Variants in IFT122 observed in about 807,000 individuals in gnomAD.
IFT122 encodes the protein intraflagellar transport 122, also known as intraflagellar transport protein 122 homolog.
A neutral mutation model predicts 161.6 loss-of-function variants in IFT122; 118 were observed. The ratio of observed to expected loss-of-function variants is 0.73; its 90% CI spans 0.63 to 0.85. The LOEUF is 0.85. Among genes scored for constraint, IFT122 ranks in the 40% least tolerant of loss-of-function variants. The pLI is 0.00. For synonymous variants in IFT122, 550 were observed against 602.4 expected (o/e 0.91, Z 1.27); for missense variants, 1,381 against 1,579.6 (o/e 0.87, Z 2.13).
chr3:129,484,621 C>T (rs2079064641), intron 15 of IFT122, among the ~76,000 whole-genome samples: 1 of 152,170 alleles, frequency 6.6e-6, no homozygotes, highest in African/African-American at 2.4e-5. Context: ...ACTTCTCATC[C>T]CTTCCTTTAT....
In IFT122 at chr3:129,495,438, T is replaced by G; in HGVS notation, c.2047-8T>G. 6.2e-7 allele frequency: 1 copy of G among 1,614,054 alleles called. No individual in the cohort carries two copies. Among genetic ancestry groups the G allele is most frequent in the Non-Finnish European group, 8.5e-7 (1 of 1,179,974 alleles). ...AGAGGCCATTTCCTTTGCTTCTAAT[T>G]TTTCCAGGAGAGGAAGAAGCGGGGA... On this transcript the variant is annotated splice_polypyrimidine_tract_variant and splice_region_variant and intron_variant, in intron 17 of 29. Transcript: ENST00000348417.
At chr3:129,463,496 T>C (rs765905838) in intron 5 of IFT122, 64 bp from the exon 6 acceptor site, 2 of 1,267,928 alleles carry the variant, frequency 1.6e-6, no homozygotes, top group Non-Finnish European at 2.3e-6. Flanking sequence ...AATTATTTGT[T>C]CCTTTTTATT....
intron 2 of IFT122, among the ~76,000 whole-genome samples, chr3:129,450,711 G>GT: frequency 7.6e-6 from 1 of 131,808 alleles, no homozygotes; most frequent in African/African-American, 2.9e-5. Flanking sequence ...GTGTGTGTGT[G>GT]TGTTTTTTTT....
chr3:129,507,273 A>G (rs549284542), intron 22 of IFT122, among the ~76,000 whole-genome samples: 1 of 152,334 alleles, frequency 6.6e-6, no homozygotes, highest in East Asian at 1.9e-4. Context: ...TAGGAGCAGC[A>G]GAGGGAAGAG....
At position 129,451,966 on chromosome 3, in the gene IFT122, A is replaced by G. The variant is rs2074910996; in HGVS notation, c.161A>G (p.Asp54Gly). ...TLLQPLKGHK[D>G]TVYCVAYAKD... ...CTTCAGCCCCTCAAGGGACACAAAG[A>G]CACTGTGTACTGTGTGGCATATGCG... The change falls in exon 3 of 30, where the codon GAC becomes GGC. Residue 54 changes from aspartate to glycine, a missense_variant. By Grantham distance (94) the Asp-to-Gly change is moderately conservative. Around this residue, in one of 7 missense-constraint regions of IFT122, gnomAD observed 134 missense variants for 137.4 expected, o/e 0.98. Coordinates refer to ENST00000348417, the MANE Select transcript of IFT122 (RefSeq NM_052989.3). The G allele has an allele frequency of 1.9e-6, 3 of 1,614,066 alleles. No individual in the cohort carries two copies. The highest frequency in any genetic ancestry group is 2.5e-6 in the Non-Finnish European group (3 of 1,179,898).
At chr3:129,461,716 G>C (rs1320346123) in intron 5 of IFT122, among the ~76,000 whole-genome samples, 1 of 152,194 alleles carries the variant, frequency 6.6e-6, no homozygotes, top group Non-Finnish European at 1.5e-5. Context: ...ATTCTTCACT[G>C]TTGCGGTTCT....
At chr3:129,517,621 T>C in intron 27 of IFT122, 27 bp downstream of exon 27, 5 of 1,608,076 alleles carry the variant, frequency 3.1e-6, no homozygotes, top group Non-Finnish European at 4.3e-6. Context: ...CCAGAGCCTG[T>C]GTGTGCGGCT....
intron 27 of IFT122, among the ~76,000 whole-genome samples, chr3:129,518,298 C>T (rs368598545): frequency 6.6e-6 from 1 of 152,252 alleles, no homozygotes; most frequent in African/African-American, 2.4e-5. Context: ...TGCACCAGGG[C>T]AGTTGTCCAG....
intron 24 of IFT122, chr3:129,513,901 A>G (rs1160350504): frequency 1.0e-5 from 3 of 286,638 alleles, no homozygotes; most frequent in Non-Finnish European, 2.0e-5. Flanking sequence ...TGCCGCTCAG[A>G]AACTGCCCAC....
intron 18 of IFT122, among the ~76,000 whole-genome samples, chr3:129,499,116 G>C (rs1248074872): frequency 2.0e-5 from 3 of 152,150 alleles, no homozygotes; most frequent in Non-Finnish European, 4.4e-5. Context: ...CACCTTCCCT[G>C]CCTCAGATTC....
At chr3:129,477,982 T>G (rs968241339) in intron 11 of IFT122, 34 bp from the exon 12 acceptor site, 1 of 1,581,630 alleles carries the variant, frequency 6.3e-7, no homozygotes, top group Non-Finnish European at 8.7e-7. Flanking sequence ...CATAACAACC[T>G]CTTGCTAGAA....
At chr3:129,464,010 C>A (rs940315276) in intron 6 of IFT122, among the ~76,000 whole-genome samples, 2 of 152,318 alleles carry the variant, frequency 1.3e-5, no homozygotes, top group East Asian at 3.9e-4. Context: ...CATGTGACCT[C>A]AGGAAAGTTA....
chr3:129,448,991 G>A (rs1168910126), intron 1 of IFT122, among the ~76,000 whole-genome samples: 1 of 152,168 alleles, frequency 6.6e-6, no homozygotes, highest in Non-Finnish European at 1.5e-5. Flanking sequence ...GAGCCGCTGC[G>A]CCAGGCCTCA....
At chr3:129,489,815 G>T (rs2079826190) in intron 16 of IFT122, among the ~76,000 whole-genome samples, 1 of 150,678 alleles carries the variant, frequency 6.6e-6, no homozygotes, top group African/African-American at 2.4e-5. Flanking sequence ...CTCCAGCCTG[G>T]GCCATAGAGC....
intron 3 of IFT122, among the ~76,000 whole-genome samples, 158 bp from the exon 4 acceptor site, chr3:129,458,441 A>G (rs1353980699): frequency 6.6e-6 from 1 of 152,228 alleles, no homozygotes; most frequent in East Asian, 1.9e-4. Context: ...GAACCCAAAT[A>G]TTCTGACTCC....
chr3:129,493,018 A>G (rs78747241), intron 17 of IFT122, among the ~76,000 whole-genome samples: 6,853 of 151,884 alleles, frequency 0.045, 196 homozygotes, highest in Middle Eastern at 0.12. Flanking sequence ...GGGTTTTCCC[A>G]TGTTGCCCAG....
intron 24 of IFT122, chr3:129,512,813 C>G (rs2082991866): frequency 3.7e-6 from 1 of 267,090 alleles, no homozygotes; most frequent in Non-Finnish European, 7.3e-6. Context: ...CTTCTGTGCC[C>G]CAAGCCCTGG....
chr3:129,466,836 G>C, intron 7 of IFT122, 54 bp from the exon 8 acceptor site: 2 of 1,549,502 alleles, frequency 1.3e-6, no homozygotes. Context: ...TTAAATTATA[G>C]TTTTAGTGTA....
Position 129,500,819 on chromosome 3 carries a change from C to T in IFT122, c.2375+751C>T, listed in dbSNP as rs544684709. Among the ~76,000 whole-genome samples, 7 of 152,224 alleles carry T rather than the reference C, an allele frequency of 4.6e-5. No homozygotes were observed. In the South Asian group the frequency reaches 8.3e-4, roughly 18 times the overall value. Reference sequence around the variant, plus strand: ...CACTGGAAGGGCCTCCGATGCCAAACGGAGGTGCTTAGATTTGCCAATAGT... The same window carrying T: ...CACTGGAAGGGCCTCCGATGCCAAATGGAGGTGCTTAGATTTGCCAATAGT... On this transcript the variant is annotated intron_variant, in intron 19 of 29. Transcript: ENST00000348417.
Sources: gnomAD v4.1 joint callset for allele counts (sites outside exome capture counted in the v4.1 genomes callset) on GRCh38, gnomAD v4.1.1 for gene constraint, gnomAD v4.1.1 regional missense constraint, MANE v1.5 for transcripts, NCBI Gene and HGNC (gene_info 2026-07-23, HGNC 2026-07-21) for gene names.